NFASC: variants seen among roughly 807,000 people sequenced by gnomAD.
NFASC encodes the protein neurofascin.
A neutral mutation model predicts 147.5 loss-of-function variants in NFASC; 43 were observed. The ratio of observed to expected loss-of-function variants is 0.29; its 90% CI spans 0.23 to 0.38. The LOEUF (loss-of-function observed/expected upper bound fraction) is 0.38. Among genes scored for constraint, NFASC ranks in the 10% least tolerant of loss-of-function variants. The pLI, the probability that NFASC is intolerant of heterozygous loss-of-function variation, is 1.00. For missense variants in NFASC, 1,320 were observed against 1,689.0 expected (o/e 0.78, Z 3.83); for synonymous variants, 622 against 665.5 (o/e 0.93, Z 1.01).
intron 28 of NFASC, 131 bp from the exon 29 acceptor site, chr1:205,012,666 G>C: frequency 1.3e-6 from 1 of 742,200 alleles, no homozygotes; most frequent in Non-Finnish European, 2.5e-6. Context: ...GGCGTGGATG[G>C]TGCCTTGTTA....
intron 3 of NFASC, 69 bp downstream of exon 3, chr1:204,944,475 G>T: frequency 1.1e-6 from 1 of 932,592 alleles, no homozygotes. Context: ...GGGGAGGGAA[G>T]GTCAGAGGAA....
chr1:204,828,845 C>A (rs1671346796), intron 1 of NFASC, 63 bp downstream of exon 1: 4 of 969,672 alleles, frequency 4.1e-6, no homozygotes, highest in Middle Eastern at 5.2e-4. Flanking sequence ...CCTAGCGACA[C>A]CCCCTTGTTC....
intron 1 of NFASC, among the ~76,000 whole-genome samples, chr1:204,879,699 G>A (rs1263670253): frequency 6.6e-6 from 1 of 152,230 alleles, no homozygotes; most frequent in Non-Finnish European, 1.5e-5. Flanking sequence ...TTGGAAATGG[G>A]AAGGAGTGAA....
intron 7 of NFASC, among the ~76,000 whole-genome samples, chr1:204,955,733 G>T (rs945089123): frequency 6.6e-6 from 1 of 151,628 alleles, no homozygotes; most frequent in Non-Finnish European, 1.5e-5. Flanking sequence ...CTCCCTTCCC[G>T]CCTACCTGTC....
rs560309173 is a variant in NFASC, at chr1:204,932,564, G to C, written c.-90-11662G>C. ...CAAAGTGGGGAGAAAGATTAAGTCAGAAGTTAGCAAACTACAGCCTCTGGG... is the reference window on the plus strand; with the variant it reads ...CAAAGTGGGGAGAAAGATTAAGTCACAAGTTAGCAAACTACAGCCTCTGGG... On this transcript the variant is annotated intron_variant, in intron 2 of 29. Coordinates refer to ENST00000339876, the MANE Select transcript of NFASC (RefSeq NM_001005388.3). Among the ~76,000 whole-genome samples, 254 of 152,220 alleles carry C rather than the reference G, an allele frequency of 1.7e-3. 1 individual carries two copies. Among genetic ancestry groups the C allele is most frequent in the African/African-American group, 5.8e-3 (242 of 41,538 alleles).
chr1:204,963,360 T>C (rs1330160188), intron 8 of NFASC, among the ~76,000 whole-genome samples: 2 of 152,228 alleles, frequency 1.3e-5, no homozygotes, highest in Admixed American at 6.5e-5. Context: ...ATGGGCCTTG[T>C]TCTAAATCGG....
In NFASC at chr1:205,018,814, C is replaced by T. The variant is rs541823000; in HGVS notation, c.*2275C>T. The T allele has an allele frequency of 1.3e-5, 2 of 152,408 alleles. No individual in the cohort carries two copies. The highest frequency in any genetic ancestry group is 1.9e-4 in the East Asian group (1 of 5,170). The allele number at this position is 152,408 out of a possible 1,614,324, so 9.4% of individuals were successfully genotyped here. A position where few individuals can be genotyped will look rare whatever the true frequency, so the allele number is the denominator to read the frequency against. ...GTACATGCCAGCGTACCCATTGCAC[C>T]GAAAGCAGGCCCTTAGGGCAGGAAG... On this transcript the variant is annotated 3_prime_UTR_variant, in exon 30 of 30. Transcript: ENST00000339876.
intron 1 of NFASC, among the ~76,000 whole-genome samples, chr1:204,864,116 G>A (rs2076924597): frequency 6.6e-6 from 1 of 152,082 alleles, no homozygotes; most frequent in Non-Finnish European, 1.5e-5. Flanking sequence ...CACATAAATG[G>A]AATCATACAG....
intron 29 of NFASC, among the ~76,000 whole-genome samples, chr1:205,013,275 T>C (rs1344487775): frequency 6.6e-6 from 1 of 152,118 alleles, no homozygotes; most frequent in African/African-American, 2.4e-5. Context: ...CTGCCCACAC[T>C]CCATTCCTAA....
At chr1:204,894,282 T>C (rs998741570) in intron 1 of NFASC, among the ~76,000 whole-genome samples, 1 of 152,222 alleles carries the variant, frequency 6.6e-6, no homozygotes, top group South Asian at 2.1e-4. Context: ...AAGGGGAATG[T>C]TATTATCATG....
At chr1:204,950,418 G>A (rs891310655) in intron 3 of NFASC, 139 bp from the exon 4 acceptor site, 5 of 764,884 alleles carry the variant, frequency 6.5e-6, no homozygotes, top group Non-Finnish European at 9.1e-6. Context: ...CAGGAGGAGA[G>A]AGCCCTGTGC....
At chr1:204,836,649 T>C (rs1215062462) in intron 1 of NFASC, among the ~76,000 whole-genome samples, 1 of 152,288 alleles carries the variant, frequency 6.6e-6, no homozygotes, top group Non-Finnish European at 1.5e-5. Flanking sequence ...GCCATTGTTA[T>C]AATACCTATT....
intron 1 of NFASC, among the ~76,000 whole-genome samples, chr1:204,890,587 T>G (rs2082190024): frequency 6.7e-6 from 1 of 150,256 alleles, no homozygotes; most frequent in East Asian, 2.0e-4. Flanking sequence ...TCTTTTTTTT[T>G]GAGATGGAGT....
intron 2 of NFASC, among the ~76,000 whole-genome samples, chr1:204,927,811 G>A (rs2091886457): frequency 6.6e-6 from 1 of 152,186 alleles, no homozygotes; most frequent in Non-Finnish European, 1.5e-5. Context: ...CTTGGAGCCG[G>A]GAGGGGGTGG....
chr1:204,987,433 G>C lies in NFASC; in HGVS notation c.2486G>C (p.Arg829Thr). 6.2e-7 allele frequency: 1 copy of C among 1,613,816 alleles called. No individual in the cohort carries two copies. ...CTTCCCCAAGTACCCAGTGCCCCTAGGCGTTTCCGAGTCCGGCAGCCCAAC... is the reference window on the plus strand; with the variant it reads ...CTTCCCCAAGTACCCAGTGCCCCTACGCGTTTCCGAGTCCGGCAGCCCAAC... ...YSGEDLPSAP[R>T]RFRVRQPNLE... is the part of the protein sequence containing the mutation. The change falls in exon 22 of 30, where the codon AGG (arginine) becomes ACG (threonine). Residue 829 changes from arginine (R) to threonine (T), a missense_variant. Physicochemically the swap from Arg to Thr is moderately conservative, Grantham distance 71. This residue lies in a region of NFASC where 981 missense variants were observed against 1,289.5 expected (regional missense o/e 0.76). Coordinates refer to ENST00000339876, the MANE Select transcript of NFASC (RefSeq NM_001005388.3). This position sits in a 1 kb window ranked among gnomAD's most constrained non-coding sequence, Gnocchi z 4.4.
At chr1:204,990,087 T>G (rs1446690398) in intron 23 of NFASC, 1 of 152,262 alleles carries the variant, frequency 6.6e-6, no homozygotes, top group African/African-American at 2.4e-5. Context: ...CTCTAGCCAG[T>G]AGACCAGCGC....
intron 29 of NFASC, among the ~76,000 whole-genome samples, chr1:205,013,775 G>A (rs560514385): frequency 6.6e-6 from 1 of 152,110 alleles, no homozygotes; most frequent in Middle Eastern, 3.4e-3. Flanking sequence ...CCCAGTTACT[G>A]CCTGGGCCCA....
At chr1:204,973,905 A>G (rs2802806) in intron 12 of NFASC, among the ~76,000 whole-genome samples, 140,406 of 152,170 alleles carry the variant, frequency 0.92, 65,607 homozygotes, top group East Asian at 0.99. Flanking sequence ...TAGGGCTGTG[A>G]TGGGGCAGCT....
chr1:204,980,511 TGC>T, intron 20 of NFASC, 71 bp downstream of exon 20: 1 of 1,148,274 alleles, frequency 8.7e-7, no homozygotes, highest in Admixed American at 2.0e-5. Flanking sequence ...TCTCCCTTGA[TGC>T]CCCGACACTA....
Sources: gnomAD v4.1 joint callset for allele counts (sites outside exome capture counted in the v4.1 genomes callset) on GRCh38, gnomAD v4.1.1 for gene constraint, gnomAD v4.1.1 regional missense constraint, Gnocchi (gnomAD v3.1) non-coding constraint, MANE v1.5 for transcripts, NCBI Gene and HGNC (gene_info 2026-07-23, HGNC 2026-07-21) for gene names.